The following MAPKAP1 variants were observed in gnomAD, a reference collection of about 807,000 sequenced individuals.
MAPKAP1 encodes the protein MAPK associated protein 1.
MAPKAP1 carries 20 observed loss-of-function variants against 65.7 expected under a neutral mutation model. That is an observed-to-expected ratio of 0.30 (90% CI 0.21 to 0.44). The LOEUF is 0.44. Ranked by LOEUF, MAPKAP1 falls within the 20% of genes least tolerant of loss-of-function variation. The pLI is 1.00. For synonymous variants in MAPKAP1, 222 were observed against 244.3 expected (o/e 0.91, Z 0.85); for missense variants, 423 against 648.0 (o/e 0.65, Z 3.77).
At chr9:125,663,908 C>T (rs1834261257) in intron 3 of MAPKAP1, among the ~76,000 whole-genome samples, 1 of 152,096 alleles carries the variant, frequency 6.6e-6, no homozygotes, top group South Asian at 2.1e-4. Context: ...AATAAATAGC[C>T]TGGAAATTTA....
At chr9:125,619,691 G>A (rs889800016) in intron 4 of MAPKAP1, among the ~76,000 whole-genome samples, 1 of 151,296 alleles carries the variant, frequency 6.6e-6, no homozygotes, top group Non-Finnish European at 1.5e-5. Flanking sequence ...CAAATACCTA[G>A]GAAGAAAATG....
At chr9:125,526,614 A>G (rs1564542982) in intron 7 of MAPKAP1, among the ~76,000 whole-genome samples, 1 of 152,234 alleles carries the variant, frequency 6.6e-6, no homozygotes, top group Non-Finnish European at 1.5e-5. Flanking sequence ...GTTGAAATGA[A>G]TGGTTTGCTT....
At chr9:125,684,455 C>T (rs1390113232) in intron 1 of MAPKAP1, among the ~76,000 whole-genome samples, 1 of 152,140 alleles carries the variant, frequency 6.6e-6, no homozygotes, top group African/African-American at 2.4e-5. Context: ...AAAAACCCCA[C>T]AATAATGTGA....
At chr9:125,700,942 T>C (rs924642714) in intron 1 of MAPKAP1, among the ~76,000 whole-genome samples, 1 of 152,206 alleles carries the variant, frequency 6.6e-6, no homozygotes, top group East Asian at 1.9e-4. Flanking sequence ...AGGCACTGCA[T>C]GCACTGGGGG....
intron 4 of MAPKAP1, among the ~76,000 whole-genome samples, chr9:125,590,390 C>A (rs146737533): frequency 6.6e-6 from 1 of 152,248 alleles, no homozygotes; most frequent in Non-Finnish European, 1.5e-5. Flanking sequence ...TGGCTCACAC[C>A]TGCAATCTCA....
intron 4 of MAPKAP1, among the ~76,000 whole-genome samples, chr9:125,622,336 T>C (rs919876049): frequency 6.6e-6 from 1 of 152,258 alleles, no homozygotes. Context: ...GAAATGATGT[T>C]TGTGATATTT....
intron 10 of MAPKAP1, among the ~76,000 whole-genome samples, chr9:125,455,617 G>A (rs1056188777): frequency 1.3e-5 from 2 of 150,912 alleles, no homozygotes; most frequent in African/African-American, 4.9e-5. Context: ...TCCTTTGGTT[G>A]AGGGAATAAC....
rs143242523 is a variant in MAPKAP1, at chr9:125,483,866, T to C, written c.1207+577A>G. 4.0e-4 allele frequency among the ~76,000 whole-genome samples: 60 copies of C among 151,856 alleles called. 1 individual carries two copies. In the East Asian group the frequency reaches 0.011, roughly 29 times the overall value. ...AGCAGACACCTATAAAAGGCAGCCA[T>C]GATGATGATGATGATGATGATAATG... On this transcript the variant is annotated intron_variant, in intron 9 of 11. Transcript: ENST00000265960.
At chr9:125,597,079 A>G (rs1030041006) in intron 4 of MAPKAP1, among the ~76,000 whole-genome samples, 7 of 151,796 alleles carry the variant, frequency 4.6e-5, no homozygotes, top group South Asian at 2.1e-4. Context: ...TGGCTAACAA[A>G]GTGAAACCCT....
chr9:125,552,974 T>C (rs1467113416), intron 6 of MAPKAP1, among the ~76,000 whole-genome samples: 1 of 152,206 alleles, frequency 6.6e-6, no homozygotes, highest in East Asian at 1.9e-4. Context: ...CATATCAATA[T>C]ATGTATGATA....
intron 4 of MAPKAP1, among the ~76,000 whole-genome samples, chr9:125,647,932 AT>A: frequency 8.3e-6 from 1 of 119,768 alleles, no homozygotes; most frequent in Admixed American, 9.0e-5. Flanking sequence ...CAGTCCCAAT[AT>A]CTTTTTTTTT....
At chr9:125,481,674 T>TTA in intron 9 of MAPKAP1, among the ~76,000 whole-genome samples, 1 of 151,932 alleles carries the variant, frequency 6.6e-6, no homozygotes, top group Non-Finnish European at 1.5e-5. Context: ...TGCCCACCTT[T>TTA]GTCTCCCAAA....
At chr9:125,679,795 C>T (rs1834766800) in intron 1 of MAPKAP1, among the ~76,000 whole-genome samples, 1 of 152,148 alleles carries the variant, frequency 6.6e-6, no homozygotes, top group Admixed American at 6.5e-5. Context: ...GAAGGAAATT[C>T]CCCTTCCTGG....
chr9:125,458,429 T>C (rs559496300), intron 10 of MAPKAP1, among the ~76,000 whole-genome samples: 89 of 152,088 alleles, frequency 5.9e-4, no homozygotes, highest in Middle Eastern at 3.4e-3. Flanking sequence ...TTAACGAGCA[T>C]GCTGCCTTCA....
intron 10 of MAPKAP1, among the ~76,000 whole-genome samples, chr9:125,454,516 G>A (rs1164628657): frequency 1.3e-5 from 2 of 152,144 alleles, no homozygotes; most frequent in Non-Finnish European, 2.9e-5. Context: ...CCTTCCTTCT[G>A]CATTAGAGTA....
intron 3 of MAPKAP1, among the ~76,000 whole-genome samples, chr9:125,660,590 T>A (rs893460302): frequency 6.6e-6 from 1 of 152,196 alleles, no homozygotes; most frequent in African/African-American, 2.4e-5. Context: ...GCACCTCAAG[T>A]GTTACCTATC....
At chr9:125,638,155 C>T (rs750402391) in intron 4 of MAPKAP1, among the ~76,000 whole-genome samples, 1 of 152,112 alleles carries the variant, frequency 6.6e-6, no homozygotes, top group Non-Finnish European at 1.5e-5. Context: ...CTCTGATTGT[C>T]AAGTGGAGGA....
chr9:125,529,824 AT>A (rs1829883958), intron 7 of MAPKAP1, among the ~76,000 whole-genome samples: 1 of 152,160 alleles, frequency 6.6e-6, no homozygotes, highest in Non-Finnish European at 1.5e-5. Context: ...ATCCAATGCC[AT>A]TTTCCTGATT....
intron 9 of MAPKAP1, among the ~76,000 whole-genome samples, chr9:125,481,332 C>G (rs1201155693): frequency 3.9e-5 from 6 of 152,020 alleles, no homozygotes; most frequent in South Asian, 2.1e-4. Flanking sequence ...GCTTTTCACA[C>G]TGGGGAATGA....
Sources: gnomAD v4.1 joint callset for allele counts (sites outside exome capture counted in the v4.1 genomes callset) on GRCh38, gnomAD v4.1.1 for gene constraint, MANE v1.5 for transcripts, NCBI Gene and HGNC (gene_info 2026-07-23, HGNC 2026-07-21) for gene names.